DMRT1: variants seen among roughly 807,000 people sequenced by gnomAD.
DMRT1 encodes the protein doublesex and mab-3 related transcription factor 1.
Under a neutral mutation model 32.3 loss-of-function variants are expected in DMRT1, and 7 were observed. The ratio of observed to expected loss-of-function variants is 0.22; its 90% CI spans 0.12 to 0.41. The LOEUF (loss-of-function observed/expected upper bound fraction) is 0.41, where lower values mean the gene tolerates loss of function less well. DMRT1 is among the 10% of genes least tolerant of loss of function. DMRT1 has a pLI of 1.00. For missense variants in DMRT1, 625 were observed against 500.5 expected, an observed-to-expected ratio of 1.25 and a Z score of -2.37; for synonymous variants, 278 against 206.1, an observed-to-expected ratio of 1.35 and a Z score of -2.99.
intron 4 of DMRT1, among the ~76,000 whole-genome samples, chr9:921,393 G>T (rs766467609): frequency 3.3e-5 from 5 of 152,200 alleles, no homozygotes; most frequent in African/African-American, 4.8e-5. Context: ...CCGTTCATCA[G>T]TTGAGGGATA....
chr9:872,730 G>C (rs560548436), intron 2 of DMRT1, among the ~76,000 whole-genome samples: 1 of 152,226 alleles, frequency 6.6e-6, no homozygotes, highest in South Asian at 2.1e-4. Flanking sequence ...TCAGTTAATG[G>C]AAAACATTTT....
chr9:904,883 G>T (rs1198223784), intron 3 of DMRT1, among the ~76,000 whole-genome samples: 1 of 151,824 alleles, frequency 6.6e-6, no homozygotes, highest in Non-Finnish European at 1.5e-5. Context: ...CGTAGGTTGC[G>T]GTGAGCCGAG....
intron 2 of DMRT1, among the ~76,000 whole-genome samples, chr9:853,727 A>G (rs1815265093): frequency 1.3e-5 from 2 of 150,226 alleles, no homozygotes; most frequent in African/African-American, 4.9e-5. Context: ...TTGGTCTTGA[A>G]CTCCTGACCT....
At chr9:893,757 C>G (rs1268144182) in intron 2 of DMRT1, among the ~76,000 whole-genome samples, 155 bp from the exon 3 acceptor site, 1 of 152,214 alleles carries the variant, frequency 6.6e-6, no homozygotes, top group Non-Finnish European at 1.5e-5. Flanking sequence ...TAGAAACTCT[C>G]CCTTATTTTG....
intron 4 of DMRT1, among the ~76,000 whole-genome samples, chr9:937,121 A>C (rs891281832): frequency 6.6e-6 from 1 of 152,210 alleles, no homozygotes; most frequent in African/African-American, 2.4e-5. Flanking sequence ...CATCTGGCTT[A>C]TTTCACTAAG....
intron 4 of DMRT1, among the ~76,000 whole-genome samples, chr9:954,440 T>C (rs975580843): frequency 2.6e-5 from 4 of 151,346 alleles, no homozygotes; most frequent in Non-Finnish European, 5.9e-5. Flanking sequence ...TGTGGCAGAG[T>C]TCAAGAGAGC....
chr9:950,403 T>C (rs1819390802), intron 4 of DMRT1, among the ~76,000 whole-genome samples: 1 of 152,050 alleles, frequency 6.6e-6, no homozygotes, highest in Non-Finnish European at 1.5e-5. Context: ...TTGTGAACAG[T>C]CCCACATTCA....
intron 2 of DMRT1, among the ~76,000 whole-genome samples, chr9:879,850 A>G (rs1267541148): frequency 6.6e-6 from 1 of 152,198 alleles, no homozygotes; most frequent in East Asian, 1.9e-4. Context: ...TTTGGGAAAT[A>G]CTACTTCAGT....
At chr9:865,975 C>T (rs1166407959) in intron 2 of DMRT1, among the ~76,000 whole-genome samples, 2 of 151,818 alleles carry the variant, frequency 1.3e-5, no homozygotes, top group African/African-American at 4.8e-5. Flanking sequence ...ACCAGCCTGG[C>T]CAACATGGTG....
At chr9:946,481 T>G (rs898107708) in intron 4 of DMRT1, among the ~76,000 whole-genome samples, 1 of 152,070 alleles carries the variant, frequency 6.6e-6, no homozygotes, top group Non-Finnish European at 1.5e-5. Context: ...ACCGTGGCTC[T>G]CTCCTCCCTC....
At chr9:882,283 G>C (rs774445119) in intron 2 of DMRT1, among the ~76,000 whole-genome samples, 1 of 152,154 alleles carries the variant, frequency 6.6e-6, no homozygotes, top group South Asian at 2.1e-4. Flanking sequence ...GCATACCACT[G>C]TGCCAGGAGC....
chr9:866,984 G>T (rs1466667223), intron 2 of DMRT1, among the ~76,000 whole-genome samples: 4 of 152,164 alleles, frequency 2.6e-5, no homozygotes, highest in Non-Finnish European at 5.9e-5. Context: ...CCTGGGGTTT[G>T]TTTTTTTCTA....
chr9:847,109 A>G lies in DMRT1; in HGVS notation c.504A>G (p.Pro168=), dbSNP rs146767985. The change falls in exon 2 of 5, where the codon CCA becomes CCG. Residue 168 remains proline, a synonymous_variant. Coordinates refer to ENST00000382276, the MANE Select transcript of DMRT1 (RefSeq NM_021951.3). The part of the protein sequence containing the change: ...LMTECSGTSQ[P]PPASVPTTAA... ...CTGAGTGCAGTGGCACCTCTCAGCC[A>G]CCGCCGGCCAGTGTCCCCACCACTG... is the stretch of plus-strand genomic sequence containing the variant. 2,133 of 1,613,308 alleles carry G rather than the reference A, an allele frequency of 1.3e-3. 3 individuals carry two copies. The highest frequency in any genetic ancestry group is 1.4e-3 in the Admixed American group (85 of 60,014).
Position 842,230 on chromosome 9 carries a change from G to GGTTTTTTTTT in DMRT1, c.354+38_354+39insGTTTTTTTTT, listed in dbSNP as rs1554739423. The stretch of plus-strand genomic sequence containing the variant: ...GTGCGGGAGCCCGGGTTCAGCCTTA[G>GGTTTTTTTTT]TTTTTTTTTTTTTTTTTTTTTTTAG... On this transcript the variant is annotated intron_variant, in intron 1 of 4. Coordinates refer to ENST00000382276, the MANE Select transcript of DMRT1 (RefSeq NM_021951.3). 2.4e-6 allele frequency: 3 copies of GGTTTTTTTTT among 1,267,140 alleles called. No homozygotes were observed. In the African/African-American group the frequency reaches 6.4e-5, roughly 27 times the overall value. The allele number at this position is 1,267,140 out of a possible 1,614,324, so 78.5% of individuals were successfully genotyped here.
chr9:936,607 G>A (rs1323571039), intron 4 of DMRT1, among the ~76,000 whole-genome samples: 1 of 152,054 alleles, frequency 6.6e-6, no homozygotes, highest in Non-Finnish European at 1.5e-5. Flanking sequence ...CAAAGAATTA[G>A]CCAAGTGTGG....
In DMRT1 at chr9:887,155, C is replaced by G. The variant is rs569456638; in HGVS notation, c.539-6757C>G. Among the ~76,000 whole-genome samples, 3 of 152,168 alleles carry G rather than the reference C, an allele frequency of 2.0e-5. No individual in the cohort carries two copies. The East Asian group carries it at 5.8e-4, about 29-fold the overall frequency. ...GCAGTGAGCCGAGATCAGGAGATCA[C>G]GCCACTGCACTCCAGCCTGGGAAAC... On this transcript the variant is annotated intron_variant, in intron 2 of 4. Transcript: ENST00000382276.
At chr9:859,838 T>C (rs1436981517) in intron 2 of DMRT1, among the ~76,000 whole-genome samples, 1 of 149,354 alleles carries the variant, frequency 6.7e-6, no homozygotes, top group East Asian at 1.9e-4. Context: ...ATTACAGTAA[T>C]AGCAGATTTT....
chr9:961,981 G>A (rs1308968163), intron 4 of DMRT1, among the ~76,000 whole-genome samples: 1 of 152,196 alleles, frequency 6.6e-6, no homozygotes, highest in African/African-American at 2.4e-5. Context: ...TCTAGGTCGT[G>A]TTTATTTTAC....
At chr9:925,487 A>G (rs908123183) in intron 4 of DMRT1, among the ~76,000 whole-genome samples, 1 of 152,202 alleles carries the variant, frequency 6.6e-6, no homozygotes, top group Non-Finnish European at 1.5e-5. Context: ...TGCTTATTCA[A>G]TATTCACACT....
Sources: gnomAD v4.1 joint callset for allele counts (sites outside exome capture counted in the v4.1 genomes callset) on GRCh38, gnomAD v4.1.1 for gene constraint, MANE v1.5 for transcripts, NCBI Gene and HGNC (gene_info 2026-07-23, HGNC 2026-07-21) for gene names.